SPC25: variants seen among roughly 807,000 people sequenced by gnomAD.
SPC25 encodes SPC25 component of NDC80 kinetochore complex, also known as kinetochore protein Spc25.
SPC25 carries 22 observed loss-of-function variants against 29.6 expected under a neutral mutation model. The ratio of observed to expected loss-of-function variants is 0.74; its 90% confidence interval spans 0.53 to 1.06. SPC25 has a LOEUF of 1.06. SPC25 is among the 50% of genes least tolerant of loss of function. SPC25 has a pLI of 0.00. For missense variants in SPC25, 230 were observed against 255.8 expected, an observed-to-expected ratio of 0.90 and a Z score of 0.69; for synonymous variants, 91 against 90.4, an observed-to-expected ratio of 1.01 and a Z score of -0.04.
downstream of SPC25, among the ~76,000 whole-genome samples, chr2:168,870,490 T>C (rs542873192): frequency 2.7e-4 from 40 of 150,828 alleles, no homozygotes; most frequent in East Asian, 4.7e-3. Flanking sequence ...GAATCTACAA[T>C]GAACTCAAAC....
intron 3 of SPC25, among the ~76,000 whole-genome samples, chr2:168,886,765 C>T (rs539243401): frequency 1.3e-4 from 20 of 150,996 alleles, no homozygotes; most frequent in Non-Finnish European, 2.5e-4. Flanking sequence ...GTGATCCGCC[C>T]GCCTCAGCCT....
intron 3 of SPC25, among the ~76,000 whole-genome samples, chr2:168,883,110 C>T (rs78091976): frequency 0.055 from 8,271 of 151,658 alleles, 718 homozygotes; most frequent in African/African-American, 0.18. Context: ...AAACTGAAAA[C>T]ATCTTCAATG....
intron 3 of SPC25, among the ~76,000 whole-genome samples, chr2:168,881,741 C>T (rs1421792448): frequency 1.3e-5 from 2 of 152,132 alleles, no homozygotes; most frequent in African/African-American, 2.4e-5. Flanking sequence ...CATTTAATTC[C>T]AGTATCATAA....
In SPC25 at chr2:168,862,316, A is replaced by G. The variant is rs1283593586; in HGVS notation, n.419+11269T>C. The stretch of plus-strand genomic sequence containing the variant: ...CTTGGAGGGTTTTATTGGTATTCCC[A>G]TTTCATAGCAGAGGAGACTGATACA... On this transcript the variant is annotated intron_variant and non_coding_transcript_variant, in intron 4 of 4. Coordinates refer to the SPC25 transcript ENST00000479309. Among the ~76,000 whole-genome samples the G allele has an allele frequency of 2.6e-5, 4 of 152,180 alleles. No individual in the cohort carries two copies. The East Asian group carries it at 5.8e-4, about 22-fold the overall frequency.
At chr2:168,865,434 A>T (rs7588452) in intron 4 of SPC25, 59,041 of 153,722 alleles carry the variant, frequency 0.38, 12,027 homozygotes, top group Non-Finnish European at 0.46. Context: ...CCAAGAAGAG[A>T]GACAGGCAAT....
At chr2:168,876,877 T>G (rs1211351943) in intron 4 of SPC25, among the ~76,000 whole-genome samples, 1 of 152,148 alleles carries the variant, frequency 6.6e-6, no homozygotes, top group Non-Finnish European at 1.5e-5. Flanking sequence ...ACGCTTAACA[T>G]TACCTGGCAG....
At chr2:168,871,770 A>G (rs182675342) in intron 6 of SPC25, among the ~76,000 whole-genome samples, 1 of 152,192 alleles carries the variant, frequency 6.6e-6, no homozygotes, top group Admixed American at 6.6e-5. Flanking sequence ...CTTAAGTACT[A>G]TAATCTTGCT....
At chr2:168,888,290 T>C (rs1367832204) in intron 3 of SPC25, among the ~76,000 whole-genome samples, 4 of 151,654 alleles carry the variant, frequency 2.6e-5, no homozygotes, top group Non-Finnish European at 5.9e-5. Context: ...GCACGGTGGC[T>C]CACGCCTGTA....
chr2:168,873,830 A>G, intron 5 of SPC25, 147 bp from the exon 6 acceptor site: 1 of 477,154 alleles, frequency 2.1e-6, no homozygotes, highest in Non-Finnish European at 3.8e-6. Context: ...ATTCGTTTTA[A>G]AATATATTAT....
chr2:168,889,101 A>G, intron 3 of SPC25, 125 bp downstream of exon 3: 1 of 517,684 alleles, frequency 1.9e-6, no homozygotes, highest in Non-Finnish European at 3.4e-6. Flanking sequence ...ACACATATAT[A>G]TATACACACA....
At chr2:168,878,538 G>A (rs1690125894) in intron 3 of SPC25, among the ~76,000 whole-genome samples, 1 of 152,202 alleles carries the variant, frequency 6.6e-6, no homozygotes, top group African/African-American at 2.4e-5. Context: ...TTCCCTAGAA[G>A]TTTCTGGCCA....
chr2:168,874,752 A>G (rs1468149355), intron 5 of SPC25, among the ~76,000 whole-genome samples: 2 of 152,118 alleles, frequency 1.3e-5, no homozygotes, highest in African/African-American at 4.8e-5. Context: ...CTGGTAGACA[A>G]CACTTCACGT....
chr2:168,869,311 C>G (rs1233897891), downstream of SPC25, among the ~76,000 whole-genome samples: 1 of 152,180 alleles, frequency 6.6e-6, no homozygotes, highest in Non-Finnish European at 1.5e-5. Flanking sequence ...CAGGGATGCC[C>G]TCTCCTACCA....
At chr2:168,872,176 C>A (rs894324086) in intron 6 of SPC25, among the ~76,000 whole-genome samples, 13 of 152,156 alleles carry the variant, frequency 8.5e-5, no homozygotes, top group Non-Finnish European at 1.8e-4. Context: ...CCATGTTACC[C>A]AGGCTAGTCT....
intron 4 of SPC25, chr2:168,863,326 AAGAAAATGT>A (rs1689597653): frequency 1.2e-6 from 1 of 845,354 alleles, no homozygotes; most frequent in Non-Finnish European, 1.4e-6. Context: ...ATTTATGACT[AAGAAAATGT>A]AGAAAAGATA....
chr2:168,864,089 T>C (rs1689681258), intron 4 of SPC25, among the ~76,000 whole-genome samples: 1 of 152,060 alleles, frequency 6.6e-6, no homozygotes, highest in African/African-American at 2.4e-5. Context: ...TGCCTCAGTC[T>C]CCCAAATAGC....
At chr2:168,870,116 C>G (rs1331698583), downstream of SPC25, among the ~76,000 whole-genome samples, 2 of 151,850 alleles carry the variant, frequency 1.3e-5, no homozygotes, top group Non-Finnish European at 2.9e-5. Flanking sequence ...AAAGGATTCC[C>G]TATTTAATAA....
chr2:168,864,867 G>A (rs479661), intron 4 of SPC25: 1,366,696 of 1,613,392 alleles, frequency 0.85, 580,231 homozygotes, highest in African/African-American at 0.95. Context: ...AAAAAAGAAG[G>A]AGGATGGTGG....
At chr2:168,886,214 T>G (rs1690259470) in intron 3 of SPC25, among the ~76,000 whole-genome samples, 1 of 151,612 alleles carries the variant, frequency 6.6e-6, no homozygotes, top group Admixed American at 6.6e-5. Context: ...CCACCACACC[T>G]GGCTAATTTT....
Sources: gnomAD v4.1 joint callset for allele counts (sites outside exome capture counted in the v4.1 genomes callset) on GRCh38, gnomAD v4.1.1 for gene constraint, MANE v1.5 for transcripts, NCBI Gene and HGNC (gene_info 2026-07-23, HGNC 2026-07-21) for gene names.